The following CHST11 variants were observed in gnomAD, a reference collection of about 807,000 sequenced individuals.
CHST11 encodes the protein C4S-1.
CHST11 carries 9 observed loss-of-function variants against 30.4 expected under a neutral mutation model. The ratio of observed to expected loss-of-function variants is 0.30; its 90% CI spans 0.18 to 0.52. The LOEUF (loss-of-function observed/expected upper bound fraction) is 0.52, where lower values mean the gene tolerates loss of function less well. Ranked by LOEUF, CHST11 falls within the 20% of genes least tolerant of loss-of-function variation. CHST11 has a pLI of 0.97. For synonymous variants in CHST11, 152 were observed against 187.8 expected (o/e 0.81, Z 1.56); for missense variants, 348 against 460.6 (o/e 0.76, Z 2.24).
At chr12:104,500,370 G>C (rs1054090793) in intron 1 of CHST11, among the ~76,000 whole-genome samples, 5 of 151,648 alleles carry the variant, frequency 3.3e-5, no homozygotes, top group African/African-American at 1.2e-4. Context: ...GGCGATGAGT[G>C]GCACAGAGAA....
At position 104,673,847 on chromosome 12, in the gene CHST11, A is replaced by G. The variant is rs776973117; in HGVS notation, c.204+71856A>G. 3.9e-5 allele frequency among the ~76,000 whole-genome samples: 6 copies of G among 152,360 alleles called. No individual in the cohort carries two copies. In the South Asian group the frequency reaches 8.3e-4, roughly 21 times the overall value. On this transcript the variant is annotated intron_variant, in intron 2 of 2. Transcript: ENST00000303694. ...GGCTGCTGAAAGATTAAATGTGGTCAGCCTCGTGACACATGTTCTGCATCA... is the reference window on the plus strand; with the variant it reads ...GGCTGCTGAAAGATTAAATGTGGTCGGCCTCGTGACACATGTTCTGCATCA...
chr12:104,736,899 A>C (rs1052841207), intron 2 of CHST11, among the ~76,000 whole-genome samples: 1 of 152,196 alleles, frequency 6.6e-6, no homozygotes, highest in Non-Finnish European at 1.5e-5. Context: ...TCTGCTGCAT[A>C]AAGCATCTTC....
At chr12:104,738,437 C>T (rs1039614864) in intron 2 of CHST11, among the ~76,000 whole-genome samples, 4 of 152,212 alleles carry the variant, frequency 2.6e-5, no homozygotes, top group African/African-American at 7.2e-5. Flanking sequence ...CAAGCTGGAA[C>T]GGCACTCCTG....
intron 1 of CHST11, among the ~76,000 whole-genome samples, chr12:104,586,928 C>A (rs1271584281): frequency 1.3e-5 from 2 of 152,166 alleles, no homozygotes; most frequent in African/African-American, 4.8e-5. Flanking sequence ...ATTCCTTGAA[C>A]TGCGTTTTTT....
intron 2 of CHST11, among the ~76,000 whole-genome samples, chr12:104,611,197 C>T (rs1474750643): frequency 6.6e-6 from 1 of 151,770 alleles, no homozygotes; most frequent in Non-Finnish European, 1.5e-5. Context: ...ACCCAGTGTA[C>T]CTAAAAATGA....
intron 1 of CHST11, among the ~76,000 whole-genome samples, chr12:104,475,658 TTATATATATATATATATATA>T (rs67453124): frequency 5.9e-5 from 2 of 34,172 alleles, no homozygotes; most frequent in East Asian, 2.0e-3. Context: ...TAAAGCAGCA[TTATATATATATATATATATA>T]TATATATATA....
rs552796237 is a variant in CHST11, at chr12:104,690,636, G to A, written c.205-66313G>A. Among the ~76,000 whole-genome samples the A allele has an allele frequency of 2.0e-5, 3 of 152,228 alleles. No homozygotes were observed. In the South Asian group the frequency reaches 6.2e-4, roughly 32 times the overall value. On this transcript the variant is annotated intron_variant, in intron 2 of 2. Coordinates refer to ENST00000303694, the MANE Select transcript of CHST11 (RefSeq NM_018413.6). ...AGCCCAAGAGTTCTAGACCGGCCTG[G>A]GCAACATGGTGAAACCCCATCTCTA...
chr12:104,588,212 C>T (rs1239474914), intron 1 of CHST11, among the ~76,000 whole-genome samples: 1 of 152,172 alleles, frequency 6.6e-6, no homozygotes, highest in Admixed American at 6.5e-5. Context: ...TTCCATCACC[C>T]TAGAAAGAAA....
chr12:104,701,113 C>T (rs141855436), intron 2 of CHST11, among the ~76,000 whole-genome samples: 33 of 152,282 alleles, frequency 2.2e-4, no homozygotes, highest in African/African-American at 7.7e-4. Context: ...ATGACACACA[C>T]AGTCTCATCT....
chr12:104,512,503 T>C (rs73384139), intron 1 of CHST11, among the ~76,000 whole-genome samples: 3,992 of 152,252 alleles, frequency 0.026, 184 homozygotes, highest in African/African-American at 0.091. Flanking sequence ...TGATTGTGTG[T>C]CCCAGTTTTC....
rs1302843236 is a variant in CHST11 at position 104,758,740 on chromosome 12, A to T, written c.*937A>T. 2 of 151,900 alleles carry T rather than the reference A, an allele frequency of 1.3e-5. No individual in the cohort carries two copies. Among genetic ancestry groups the T allele is most frequent in the African/African-American group, 2.4e-5 (1 of 41,320 alleles). The allele number at this position is 151,900 out of a possible 1,614,324, so 9.4% of individuals were successfully genotyped here. A position where few individuals can be genotyped will look rare whatever the true frequency, so the allele number is the denominator to read the frequency against. On this transcript the variant is annotated 3_prime_UTR_variant, in exon 3 of 3. Coordinates refer to ENST00000303694, the MANE Select transcript of CHST11 (RefSeq NM_018413.6). Reference sequence around the variant, plus strand: ...CATGAGCAACAGCAGAAGGTCCATGACCCCTACAAATTTACATTTTTCTAT... The same window carrying T: ...CATGAGCAACAGCAGAAGGTCCATGTCCCCTACAAATTTACATTTTTCTAT...
intron 1 of CHST11, among the ~76,000 whole-genome samples, chr12:104,586,297 A>G (rs1377214330): frequency 1.3e-5 from 2 of 152,174 alleles, no homozygotes; most frequent in African/African-American, 2.4e-5. Context: ...CTTGAGATGG[A>G]CAAAGAATGG....
chr12:104,675,919 ACTCAGGGT>A (rs1440924605), intron 2 of CHST11, among the ~76,000 whole-genome samples: 2 of 152,054 alleles, frequency 1.3e-5, no homozygotes, highest in Non-Finnish European at 2.9e-5. Context: ...GTGGGGGCTT[ACTCAGGGT>A]CACGTGTGCT....
At chr12:104,590,981 A>G (rs2038852334) in intron 1 of CHST11, among the ~76,000 whole-genome samples, 3 of 152,166 alleles carry the variant, frequency 2.0e-5, no homozygotes, top group East Asian at 1.9e-4. Context: ...AAGTGAGGCC[A>G]TGGGAGACAG....
chr12:104,528,967 T>G (rs1433178069), intron 1 of CHST11, among the ~76,000 whole-genome samples: 1 of 152,196 alleles, frequency 6.6e-6, no homozygotes, highest in Non-Finnish European at 1.5e-5. Flanking sequence ...AACACACCGC[T>G]GGGCAAGTAG....
chr12:104,490,722 A>G (rs1048633486), intron 1 of CHST11, among the ~76,000 whole-genome samples: 9 of 152,214 alleles, frequency 5.9e-5, no homozygotes, highest in African/African-American at 2.2e-4. Context: ...ACCCTTTGAA[A>G]AGAGAGGATG....
intron 2 of CHST11, among the ~76,000 whole-genome samples, chr12:104,675,360 GA>G (rs2136098417): frequency 6.6e-6 from 1 of 152,318 alleles, no homozygotes; most frequent in Non-Finnish European, 1.5e-5. Context: ...CTACAAGTAA[GA>G]ATGGTATGGA....
At chr12:104,513,145 T>TGGGGGGGGGG (rs1565969854) in intron 1 of CHST11, among the ~76,000 whole-genome samples, 4 of 7,612 alleles carry the variant, frequency 5.3e-4, no homozygotes, top group Admixed American at 1.5e-3. Context: ...GGGTTGGGGG[T>TGGGGGGGGGG]GGGGAGGGAG....
intron 1 of CHST11, among the ~76,000 whole-genome samples, chr12:104,527,549 C>T (rs902460699): frequency 6.6e-5 from 10 of 152,178 alleles, no homozygotes; most frequent in African/African-American, 2.4e-4. Flanking sequence ...TCCCCACCGA[C>T]GTGGATCTTC....
Sources: allele counts gnomAD v4.1 joint callset (sites outside exome capture counted in the v4.1 genomes callset), GRCh38; gene constraint gnomAD v4.1.1; transcripts MANE v1.5; gene names NCBI Gene and HGNC (gene_info 2026-07-23, HGNC 2026-07-21).